Variants in CADM1 observed in about 807,000 individuals in gnomAD.
CADM1 encodes TSLC-1.
A neutral mutation model predicts 53.1 loss-of-function variants in CADM1; 15 were observed. The observed-to-expected ratio is 0.28, with a 90% CI of 0.19 to 0.44. The LOEUF is 0.44. Ranked by LOEUF, CADM1 falls within the 20% of genes least tolerant of loss-of-function variation. The pLI is 1.00. For synonymous variants in CADM1, 281 were observed against 243.0 expected, an observed-to-expected ratio of 1.16 and a Z score of -1.45; for missense variants, 434 against 611.3, an observed-to-expected ratio of 0.71 and a Z score of 3.06.
chr11:115,503,639 G>A (rs776514276), intron 1 of CADM1, among the ~76,000 whole-genome samples: 424 of 152,332 alleles, frequency 2.8e-3, no homozygotes, highest in Non-Finnish European at 4.6e-3. Flanking sequence ...AGCCGAGGGG[G>A]CGGAGGGCTG....
chr11:115,287,976 G>A (rs1005707731), intron 1 of CADM1, among the ~76,000 whole-genome samples: 13 of 152,172 alleles, frequency 8.5e-5, no homozygotes, highest in African/African-American at 2.9e-4. Flanking sequence ...GAAAACTTTA[G>A]GAGAGTTGGG....
At chr11:115,380,471 T>C (rs1026383575) in intron 1 of CADM1, among the ~76,000 whole-genome samples, 1 of 152,344 alleles carries the variant, frequency 6.6e-6, no homozygotes, top group African/African-American at 2.4e-5. Context: ...CTAATGATTA[T>C]CTGAGATGGA....
At chr11:115,343,403 G>T (rs538576649) in intron 1 of CADM1, among the ~76,000 whole-genome samples, 1 of 152,148 alleles carries the variant, frequency 6.6e-6, no homozygotes, top group East Asian at 1.9e-4. Flanking sequence ...ACAAATAAGA[G>T]AACTGGAACA....
At chr11:115,209,894 G>A (rs112040906) in intron 7 of CADM1, among the ~76,000 whole-genome samples, 5 of 152,274 alleles carry the variant, frequency 3.3e-5, no homozygotes, top group East Asian at 1.9e-4. Flanking sequence ...TAGGGATGAG[G>A]AGATGTGAAG....
chr11:115,436,024 GAC>G (rs1380730209), intron 1 of CADM1, among the ~76,000 whole-genome samples: 1 of 152,104 alleles, frequency 6.6e-6, no homozygotes, highest in Non-Finnish European at 1.5e-5. Context: ...TCTCTACAAA[GAC>G]ACTCTGCAAG....
intron 1 of CADM1, among the ~76,000 whole-genome samples, chr11:115,370,353 C>T (rs528673390): frequency 3.3e-5 from 5 of 152,226 alleles, no homozygotes; most frequent in South Asian, 2.1e-4. Flanking sequence ...TGTTTGTATC[C>T]GCCCAAAATT....
At chr11:115,491,606 C>T (rs1949499308) in intron 1 of CADM1, among the ~76,000 whole-genome samples, 1 of 152,014 alleles carries the variant, frequency 6.6e-6, no homozygotes, top group Non-Finnish European at 1.5e-5. Context: ...TTCCACTATC[C>T]AAGTAAAACT....
At chr11:115,441,115 T>G (rs1450151641) in intron 1 of CADM1, among the ~76,000 whole-genome samples, 2 of 151,774 alleles carry the variant, frequency 1.3e-5, no homozygotes, top group African/African-American at 4.9e-5. Context: ...TGGTGTTTTT[T>G]CTTCTGGGAA....
At chr11:115,502,611 C>T (rs956996086) in intron 1 of CADM1, among the ~76,000 whole-genome samples, 7 of 151,982 alleles carry the variant, frequency 4.6e-5, no homozygotes, top group African/African-American at 1.5e-4. Context: ...TAAACAACAT[C>T]CGGAGACAGT....
At chr11:115,499,120 AT>A (rs1565456954) in intron 1 of CADM1, among the ~76,000 whole-genome samples, 2 of 152,348 alleles carry the variant, frequency 1.3e-5, no homozygotes, top group Admixed American at 6.5e-5. Context: ...AACAAAAAAA[AT>A]TCTCAGCTTT....
intron 1 of CADM1, 48 bp downstream of exon 1, chr11:115,504,223 G>C: frequency 6.4e-7 from 1 of 1,558,758 alleles, no homozygotes; most frequent in African/African-American, 1.4e-5. Context: ...AAGGCTACTG[G>C]GGTGCCTTCG....
rs1177980295 is a variant in CADM1 at position 115,504,251 on chromosome 11, C to G, written c.124+20G>C. ...TGCCTTCGGAGATTTAGGGGCCAAC[C>G]GGTCGGTGCCCACACCTACCTGTGG... On this transcript the variant is annotated intron_variant, in intron 1 of 11. Coordinates refer to ENST00000331581, the MANE Select transcript of CADM1 (RefSeq NM_001301043.2). 7.0e-6 allele frequency: 11 copies of G among 1,568,944 alleles called. No homozygotes were observed. The South Asian group carries it at 1.3e-4, about 18-fold the overall frequency.
chr11:115,340,658 A>ATATATTTTTTTTTT (rs60532835), intron 1 of CADM1, among the ~76,000 whole-genome samples: 3 of 34,942 alleles, frequency 8.6e-5, no homozygotes, highest in Non-Finnish European at 1.4e-4. Context: ...ATATATATAT[A>ATATATTTTTTTTTT]TTTTTTTTTT....
chr11:115,228,640 T>G (rs1027448733), intron 5 of CADM1, among the ~76,000 whole-genome samples: 2 of 152,178 alleles, frequency 1.3e-5, no homozygotes, highest in African/African-American at 4.8e-5. Context: ...GCCATCAAGA[T>G]TGTGGCAATG....
intron 3 of CADM1, among the ~76,000 whole-genome samples, chr11:115,236,608 T>G (rs1484821662): frequency 6.6e-6 from 1 of 152,140 alleles, no homozygotes; most frequent in African/African-American, 2.4e-5. Context: ...AAGCACATGG[T>G]GTATTCGGAG....
At position 115,173,680 on chromosome 11, in the gene CADM1, CTTTT is replaced by C; in HGVS notation, c.*2790_*2793del. ...AGAAGACAGATATTTTATAGTACTT[CTTTT>C]TTTTCTTTTTTTTTTTGTAAAAATG... On this transcript the variant is annotated 3_prime_UTR_variant, in exon 12 of 12. Transcript: ENST00000331581. 10 of 482,436 alleles carry C rather than the reference CTTTT, an allele frequency of 2.1e-5. No individual in the cohort carries two copies. The highest frequency in any genetic ancestry group is 2.6e-5 in the Non-Finnish European group (10 of 385,780). 29.9% of individuals were successfully genotyped at this position (482,436 alleles called of 1,614,324 possible). A position where few individuals can be genotyped will look rare whatever the true frequency, so the allele number is the denominator to read the frequency against.
chr11:115,282,004 C>A (rs1157539960), intron 1 of CADM1, among the ~76,000 whole-genome samples: 3 of 152,252 alleles, frequency 2.0e-5, no homozygotes, highest in Admixed American at 6.5e-5. Flanking sequence ...CAAAGACACA[C>A]AAGCCATCCA....
chr11:115,206,758 CTTTTTT>C (rs56270694), intron 8 of CADM1, among the ~76,000 whole-genome samples: 38 of 38,230 alleles, frequency 9.9e-4, no homozygotes, highest in East Asian at 5.6e-3. Flanking sequence ...CTGTGGACTT[CTTTTTT>C]TTTTTTTTTT....
At chr11:115,253,116 C>G (rs1190458465) in intron 1 of CADM1, among the ~76,000 whole-genome samples, 1 of 152,152 alleles carries the variant, frequency 6.6e-6, no homozygotes, top group African/African-American at 2.4e-5. Context: ...ACACACACAT[C>G]TCATAACGTT....
Sources: allele counts gnomAD v4.1 joint callset (sites outside exome capture counted in the v4.1 genomes callset), GRCh38; gene constraint gnomAD v4.1.1; transcripts MANE v1.5; gene names NCBI Gene and HGNC (gene_info 2026-07-23, HGNC 2026-07-21).